NAA60: variants seen among roughly 807,000 people sequenced by gnomAD.
NAA60 encodes the protein N-alpha-acetyltransferase 60, NatF catalytic subunit, also known as N-alpha-acetyltransferase 60.
Under a neutral mutation model 26.1 loss-of-function variants are expected in NAA60, and 8 were observed. The ratio of observed to expected loss-of-function variants is 0.31; its 90% CI spans 0.18 to 0.55. The LOEUF (loss-of-function observed/expected upper bound fraction) is 0.55, where lower values mean the gene tolerates loss of function less well. Ranked by LOEUF, NAA60 falls within the 20% of genes least tolerant of loss-of-function variation. The pLI is 0.93. For synonymous variants in NAA60, 131 were observed against 122.5 expected (o/e 1.07, Z -0.46); for missense variants, 290 against 311.3 (o/e 0.93, Z 0.51).
chr16:3,455,083 A>G (rs1186525292), intron 2 of NAA60, among the ~76,000 whole-genome samples: 3 of 152,076 alleles, frequency 2.0e-5, no homozygotes, highest in African/African-American at 7.2e-5. Flanking sequence ...TGAGACTGTC[A>G]CTTTGTTGCC....
intron 2 of NAA60, among the ~76,000 whole-genome samples, chr16:3,453,003 G>A (rs769006615): frequency 6.6e-5 from 10 of 152,070 alleles, no homozygotes; most frequent in South Asian, 2.1e-4. Flanking sequence ...GCTGCGGGCC[G>A]TTTGCCCTGC....
At chr16:3,460,405 C>T (rs557731317) in intron 2 of NAA60, among the ~76,000 whole-genome samples, 3 of 152,238 alleles carry the variant, frequency 2.0e-5, no homozygotes, top group African/African-American at 7.2e-5. Context: ...ACTCTGTCGC[C>T]CAGGCTAGAA....
chr16:3,454,322 C>T (rs1463021888), intron 2 of NAA60, among the ~76,000 whole-genome samples: 1 of 152,098 alleles, frequency 6.6e-6, no homozygotes, highest in Non-Finnish European at 1.5e-5. Context: ...ACTGGGAGTG[C>T]CGTTAGGTGT....
intron 2 of NAA60, among the ~76,000 whole-genome samples, chr16:3,449,123 C>T (rs1287407661): frequency 6.6e-6 from 1 of 152,234 alleles, no homozygotes; most frequent in South Asian, 2.1e-4. Context: ...CCTGTAATCC[C>T]AGCACTTTAG....
chr16:3,455,332 A>G lies in NAA60; in HGVS notation c.-7+6792A>G, dbSNP rs1033292942. On this transcript the variant is annotated intron_variant, in intron 2 of 7. Transcript: ENST00000407558. ...GTGATCCACCCGCGTCAGCCTCCCA[A>G]AGTGCTGGGATTACAGGCATGAGCC... Among the ~76,000 whole-genome samples the G allele has an allele frequency of 2.6e-5, 4 of 151,964 alleles. No homozygotes were observed. In the East Asian group the frequency reaches 5.8e-4, roughly 22 times the overall value.
intron 2 of NAA60, among the ~76,000 whole-genome samples, chr16:3,453,312 C>T (rs1025136992): frequency 5.9e-5 from 9 of 152,068 alleles, no homozygotes; most frequent in Non-Finnish European, 1.3e-4. Context: ...GCAAGAGAAT[C>T]GCTTGAACCT....
At chr16:3,453,529 C>T (rs2034866033) in intron 2 of NAA60, among the ~76,000 whole-genome samples, 1 of 152,168 alleles carries the variant, frequency 6.6e-6, no homozygotes, top group Admixed American at 6.5e-5. Context: ...CTGCCTTAGC[C>T]TCTCAAGTAG....
intron 2 of NAA60, among the ~76,000 whole-genome samples, chr16:3,450,509 G>C (rs1055697964): frequency 6.6e-6 from 1 of 151,904 alleles, no homozygotes; most frequent in Non-Finnish European, 1.5e-5. Flanking sequence ...GACCATCCTG[G>C]CTAACATGGT....
chr16:3,455,896 G>A (rs1337779389), intron 2 of NAA60, among the ~76,000 whole-genome samples: 1 of 151,670 alleles, frequency 6.6e-6, no homozygotes, highest in Non-Finnish European at 1.5e-5. Flanking sequence ...TAGTAGCGAC[G>A]GGGTTTCACC....
At chr16:3,454,692 C>G (rs992626894) in intron 2 of NAA60, among the ~76,000 whole-genome samples, 2 of 152,150 alleles carry the variant, frequency 1.3e-5, no homozygotes, top group Non-Finnish European at 1.5e-5. Context: ...GCCCTGAAGT[C>G]GATGGTGATC....
At chr16:3,452,192 G>A (rs571737929) in intron 2 of NAA60, among the ~76,000 whole-genome samples, 1 of 152,242 alleles carries the variant, frequency 6.6e-6, no homozygotes, top group East Asian at 1.9e-4. Flanking sequence ...CAACTTGGAT[G>A]ACAGAGTGAG....
Position 3,483,568 on chromosome 16 carries a change from C to G in NAA60, c.543C>G (p.Ile181Met), listed in dbSNP as rs1281070605. The G allele has an allele frequency of 6.2e-7, 1 of 1,612,398 alleles. No individual in the cohort carries two copies. The highest frequency in any genetic ancestry group is 8.5e-7 in the Non-Finnish European group (1 of 1,179,420). Reference protein sequence around the residue: ...LKDGFTYVLYINGGHPPWTIL... With the variant: ...LKDGFTYVLYMNGGHPPWTIL... ...ATGGCTTCACCTATGTCCTCTACAT[C>G]AACGGCGGCCACCCTCCCTGGACGA... is the stretch of plus-strand genomic sequence containing the variant. Residue 181 changes from isoleucine (I) to methionine (M), a missense_variant, in exon 6 of 8, where the codon ATC (isoleucine) becomes ATG (methionine). Coordinates refer to ENST00000407558, the MANE Select transcript of NAA60 (RefSeq NM_001083601.3).
rs1330799205 is a variant in NAA60 at position 3,450,412 on chromosome 16, G to A, written c.-7+1872G>A. Among the ~76,000 whole-genome samples, 4 of 152,152 alleles carry A rather than the reference G, an allele frequency of 2.6e-5. No individual in the cohort carries two copies. The East Asian group carries it at 7.7e-4, about 29-fold the overall frequency. ...TCTTTCTGGGTGAGTCAGGAAAGTT[G>A]TGCTCCTGCTGGGCGCAGTGGCTCA... On this transcript the variant is annotated intron_variant, in intron 2 of 7. Transcript: ENST00000407558.
chr16:3,459,504 T>C (rs1326767488), intron 2 of NAA60, among the ~76,000 whole-genome samples: 1 of 152,228 alleles, frequency 6.6e-6, no homozygotes, highest in Non-Finnish European at 1.5e-5. Context: ...GTCCCAGTTA[T>C]CTTTCCAAAC....
intron 2 of NAA60, among the ~76,000 whole-genome samples, chr16:3,459,274 C>T (rs1271914067): frequency 6.6e-6 from 1 of 152,152 alleles, no homozygotes; most frequent in Non-Finnish European, 1.5e-5. Context: ...AAGGTCGACT[C>T]TAGAAATGCG....
At chr16:3,445,954 A>G (rs1433009665) in intron 1 of NAA60, among the ~76,000 whole-genome samples, 1 of 152,210 alleles carries the variant, frequency 6.6e-6, no homozygotes, top group Non-Finnish European at 1.5e-5. Context: ...AAATTAGACC[A>G]CATTATATCC....
rs190797427 is a variant in NAA60, at chr16:3,483,406, C to G, written c.381C>G (p.Thr127=). 4.3e-6 allele frequency: 7 copies of G among 1,613,538 alleles called. No homozygotes were observed. The Admixed American group carries it at 1.0e-4, about 23-fold the overall frequency. ...LESLKDHIST[T]AQDHCKAIYL... ...GTTTAAAGGATCACATATCAACCAC[C>G]GCCCAGGACCACTGCAAAGCCATTT... Residue 127 remains threonine (T), a synonymous_variant, in exon 6 of 8, where the codon ACC becomes ACG. Coordinates refer to ENST00000407558, the MANE Select transcript of NAA60 (RefSeq NM_001083601.3).
At chr16:3,482,996 C>T (rs1408256217) in intron 5 of NAA60, 1 of 470,180 alleles carries the variant, frequency 2.1e-6, no homozygotes, top group Non-Finnish European at 3.8e-6. Context: ...ATGTCCCACC[C>T]CACTCGGCCA....
chr16:3,479,435 T>A (rs745929943), intron 3 of NAA60, 36 bp from the exon 4 acceptor site: 1 of 1,608,774 alleles, frequency 6.2e-7, no homozygotes, highest in South Asian at 1.1e-5. Context: ...GGACTTGACC[T>A]GTGGCAGGTT....
Sources: allele counts gnomAD v4.1 joint callset (sites outside exome capture counted in the v4.1 genomes callset), GRCh38; gene constraint gnomAD v4.1.1; transcripts MANE v1.5; gene names NCBI Gene and HGNC (gene_info 2026-07-23, HGNC 2026-07-21).